The following CNTN5 variants were observed in gnomAD, a reference collection of about 807,000 sequenced individuals.
The protein encoded by CNTN5 is contactin 5, also known as contactin-5.
A neutral mutation model predicts 129.1 loss-of-function variants in CNTN5; 77 were observed. The observed-to-expected ratio is 0.60, with a 90% CI of 0.50 to 0.72. The LOEUF (loss-of-function observed/expected upper bound fraction) is 0.72, where lower values mean the gene tolerates loss of function less well. Among genes scored for constraint, CNTN5 ranks in the 30% least tolerant of loss-of-function variants. CNTN5 has a pLI of 0.00. For missense variants in CNTN5, 1,478 were observed against 1,328.8 expected (o/e 1.11, Z -1.75); for synonymous variants, 509 against 465.6 (o/e 1.09, Z -1.20).
rs548609752 is a variant in CNTN5, at chr11:100,235,836, C to T, written c.2005+11024C>T. Among the ~76,000 whole-genome samples the T allele has an allele frequency of 1.6e-3, 246 of 152,214 alleles. 2 individuals are homozygous for T. The highest frequency in any genetic ancestry group is 5.6e-3 in the African/African-American group (232 of 41,538). On this transcript the variant is annotated intron_variant, in intron 16 of 24. Coordinates refer to ENST00000524871, the MANE Select transcript of CNTN5 (RefSeq NM_014361.4). ...CCAGTGGGTACCAATTACTTACTGC[C>T]CACTCACTTCACTTTCGTTTTTTGA...
At chr11:99,297,419 A>G (rs1864438036) in intron 1 of CNTN5, among the ~76,000 whole-genome samples, 1 of 152,184 alleles carries the variant, frequency 6.6e-6, no homozygotes, top group South Asian at 2.1e-4. Context: ...TGTCACCCAC[A>G]GCCATCAGCA....
At chr11:99,939,379 A>T (rs879326760) in intron 7 of CNTN5, among the ~76,000 whole-genome samples, 3 of 152,128 alleles carry the variant, frequency 2.0e-5, no homozygotes, top group Non-Finnish European at 4.4e-5. Flanking sequence ...AAAACGTGAA[A>T]AAATAAAATT....
At chr11:99,923,791 C>CTATG (rs1372783262) in intron 7 of CNTN5, among the ~76,000 whole-genome samples, 1 of 151,860 alleles carries the variant, frequency 6.6e-6, no homozygotes, top group Admixed American at 6.6e-5. Flanking sequence ...ATCTATCTAT[C>CTATG]TATCTATCTA....
chr11:99,438,811 C>T (rs1405705107), intron 2 of CNTN5, among the ~76,000 whole-genome samples: 2 of 152,120 alleles, frequency 1.3e-5, no homozygotes, highest in Non-Finnish European at 2.9e-5. Flanking sequence ...ATACCTCTGG[C>T]ACTGTTTTCC....
intron 9 of CNTN5, chr11:100,003,718 C>T (rs760258812): frequency 3.9e-5 from 6 of 152,142 alleles, no homozygotes; most frequent in Non-Finnish European, 7.4e-5. Flanking sequence ...ACCCAACAGT[C>T]AAATCACTAA....
chr11:99,991,748 GTTT>G (rs565700433), intron 8 of CNTN5, among the ~76,000 whole-genome samples: 3,908 of 149,784 alleles, frequency 0.026, 187 homozygotes, highest in African/African-American at 0.091. Context: ...ATGCAGGTTT[GTTT>G]GTTTGTTTGT....
chr11:100,289,195 T>C (rs973679274), intron 18 of CNTN5, among the ~76,000 whole-genome samples: 2 of 151,766 alleles, frequency 1.3e-5, no homozygotes, highest in Admixed American at 6.6e-5. Context: ...GAGGAACTGG[T>C]ACCATTCCTT....
intron 3 of CNTN5, among the ~76,000 whole-genome samples, chr11:99,767,906 TA>T (rs1484616686): frequency 6.6e-6 from 1 of 152,080 alleles, no homozygotes; most frequent in Non-Finnish European, 1.5e-5. Context: ...AACAAAAAAG[TA>T]AAATGAACAC....
At chr11:99,985,767 T>C (rs1938633059) in intron 8 of CNTN5, among the ~76,000 whole-genome samples, 1 of 152,188 alleles carries the variant, frequency 6.6e-6, no homozygotes, top group Admixed American at 6.5e-5. Flanking sequence ...TCATCCGTCT[T>C]TTAATAACCC....
intron 3 of CNTN5, among the ~76,000 whole-genome samples, chr11:99,808,076 G>A (rs376764219): frequency 6.6e-6 from 1 of 152,060 alleles, no homozygotes; most frequent in African/African-American, 2.4e-5. Context: ...GTACTATACT[G>A]CTTTGAATTG....
chr11:100,276,006 T>C (rs1022875530), intron 18 of CNTN5, among the ~76,000 whole-genome samples: 4 of 152,150 alleles, frequency 2.6e-5, no homozygotes, highest in Non-Finnish European at 5.9e-5. Flanking sequence ...ATAATGCTGC[T>C]CTAAAGAGCC....
At chr11:99,149,599 T>C (rs552368755) in intron 1 of CNTN5, among the ~76,000 whole-genome samples, 11 of 152,086 alleles carry the variant, frequency 7.2e-5, no homozygotes, top group African/African-American at 2.7e-4. Context: ...TGGCAACAGC[T>C]TAGCAACTTC....
intron 13 of CNTN5, among the ~76,000 whole-genome samples, chr11:100,140,584 G>GT (rs1254336861): frequency 2.6e-5 from 4 of 152,208 alleles, no homozygotes; most frequent in Non-Finnish European, 5.9e-5. Flanking sequence ...TTATCAGGGG[G>GT]TTTTAATTAC....
chr11:99,745,631 T>G (rs1944030123), intron 3 of CNTN5, among the ~76,000 whole-genome samples: 1 of 152,188 alleles, frequency 6.6e-6, no homozygotes, highest in South Asian at 2.1e-4. Context: ...TTATTTTTAC[T>G]ACTGTGGATC....
At chr11:100,039,215 C>T (rs1306347241) in intron 9 of CNTN5, among the ~76,000 whole-genome samples, 1 of 152,142 alleles carries the variant, frequency 6.6e-6, no homozygotes, top group East Asian at 1.9e-4. Context: ...TTTTATTTCT[C>T]CTTTACTTAT....
At chr11:99,312,405 G>A (rs964148068) in intron 1 of CNTN5, among the ~76,000 whole-genome samples, 1 of 152,082 alleles carries the variant, frequency 6.6e-6, no homozygotes, top group African/African-American at 2.4e-5. Context: ...AAAAAATAAT[G>A]CTGACTTCTT....
In CNTN5 at chr11:100,088,194, C is replaced by T. The variant is rs186096444; in HGVS notation, c.1580+13900C>T. ...AGAGACTATTATGAACACCTCTATA[C>T]ACACAAACCAGAATATCAAGAAAAA... On this transcript the variant is annotated intron_variant, in intron 13 of 24. Transcript: ENST00000524871. Among the ~76,000 whole-genome samples, 4 of 151,906 alleles carry T rather than the reference C, an allele frequency of 2.6e-5. No individual in the cohort carries two copies. The East Asian group carries it at 7.8e-4, about 29-fold the overall frequency.
chr11:99,453,641 C>A (rs544497599), intron 2 of CNTN5, among the ~76,000 whole-genome samples: 1 of 152,198 alleles, frequency 6.6e-6, no homozygotes, highest in African/African-American at 2.4e-5. Context: ...TCAAATGAAG[C>A]AACAAAACCT....
chr11:99,060,683 A>G (rs1207093714), intron 1 of CNTN5, among the ~76,000 whole-genome samples: 8 of 152,242 alleles, frequency 5.3e-5, no homozygotes, highest in African/African-American at 1.9e-4. Context: ...AAGAACTCAG[A>G]CAATGCATCA....
Sources: allele counts gnomAD v4.1 joint callset (sites outside exome capture counted in the v4.1 genomes callset), GRCh38; gene constraint gnomAD v4.1.1; transcripts MANE v1.5; gene names NCBI Gene and HGNC (gene_info 2026-07-23, HGNC 2026-07-21).